Variants in MYT1L observed in about 807,000 individuals in gnomAD.
MYT1L encodes the protein myelin transcription factor 1 like.
Under a neutral mutation model 126.7 loss-of-function variants are expected in MYT1L, and 12 were observed. The observed-to-expected ratio is 0.09, with a 90% CI of 0.06 to 0.15. The LOEUF (loss-of-function observed/expected upper bound fraction) is 0.15, where lower values mean the gene tolerates loss of function less well. Ranked by LOEUF, MYT1L falls within the 10% of genes least tolerant of loss-of-function variation. The pLI is 1.00. For synonymous variants in MYT1L, 541 were observed against 604.2 expected (o/e 0.90, Z 1.53); for missense variants, 979 against 1,585.2 (o/e 0.62, Z 6.49).
chr2:2,051,899 T>C (rs2068871330), intron 4 of MYT1L, among the ~76,000 whole-genome samples: 1 of 152,074 alleles, frequency 6.6e-6, no homozygotes, highest in Admixed American at 6.5e-5. Flanking sequence ...ACAAATTCAG[T>C]GCAATCCCTC....
chr2:2,185,466 G>T lies in MYT1L; in HGVS notation c.-420-12478C>A, dbSNP rs372124142. On this transcript the variant is annotated intron_variant, in intron 2 of 24. Coordinates refer to ENST00000647738, the MANE Select transcript of MYT1L (RefSeq NM_001303052.2). ...GCAGCCGGGCCTCCTCGAGTCCCGC[G>T]TTCCTTCTGTGAGGGGGACGCAGCC... Among the ~76,000 whole-genome samples, 8 of 128,294 alleles carry T rather than the reference G, an allele frequency of 6.2e-5. No homozygotes were observed. In the East Asian group the frequency reaches 1.3e-3, roughly 22 times the overall value. 84.2% of individuals were successfully genotyped at this position (128,294 alleles called of 152,430 possible). A position where few individuals can be genotyped will look rare whatever the true frequency, so the allele number is the denominator to read the frequency against.
intron 1 of MYT1L, chr2:2,326,393 T>C (rs1035283686): frequency 6.6e-6 from 1 of 152,210 alleles, no homozygotes; most frequent in Non-Finnish European, 1.5e-5. Context: ...TCTTCCCTGA[T>C]GTGTTGGGAC....
intron 3 of MYT1L, among the ~76,000 whole-genome samples, chr2:2,107,512 G>A (rs2078893634): frequency 6.6e-6 from 1 of 152,216 alleles, no homozygotes; most frequent in Admixed American, 6.5e-5. Context: ...TAAGTGCCCA[G>A]AATAATCAAG....
intron 9 of MYT1L, among the ~76,000 whole-genome samples, chr2:1,930,118 C>T (rs927574240): frequency 6.6e-6 from 1 of 152,190 alleles, no homozygotes; most frequent in South Asian, 2.1e-4. Flanking sequence ...CCTCAGACCC[C>T]TAATTTGAGT....
At chr2:1,850,032 G>GC (rs2043009963) in intron 19 of MYT1L, among the ~76,000 whole-genome samples, 1 of 112,846 alleles carries the variant, frequency 8.9e-6, no homozygotes. Flanking sequence ...GCGGGGTGGT[G>GC]AGGGGGGGGC....
At chr2:1,991,861 C>T (rs559055102) in intron 5 of MYT1L, among the ~76,000 whole-genome samples, 4 of 152,264 alleles carry the variant, frequency 2.6e-5, no homozygotes, top group Admixed American at 2.6e-4. Context: ...GATCACGTTC[C>T]CCCAAATTTC....
intron 1 of MYT1L, among the ~76,000 whole-genome samples, chr2:2,295,440 C>T (rs1395692290): frequency 5.3e-5 from 8 of 152,044 alleles, no homozygotes; most frequent in African/African-American, 1.7e-4. Flanking sequence ...AGAGGTTCAC[C>T]CTGAGCATCA....
At chr2:2,057,926 T>G (rs896297270) in intron 3 of MYT1L, among the ~76,000 whole-genome samples, 4 of 152,192 alleles carry the variant, frequency 2.6e-5, no homozygotes, top group African/African-American at 9.7e-5. Flanking sequence ...TTACTGTGAA[T>G]GTACATTTCC....
intron 5 of MYT1L, among the ~76,000 whole-genome samples, chr2:1,996,899 C>T (rs1051995262): frequency 7.2e-6 from 1 of 138,366 alleles, no homozygotes; most frequent in Admixed American, 7.5e-5. Flanking sequence ...TGCATGGAAC[C>T]GAGTGTAGAC....
At chr2:2,128,350 C>T (rs1322609299) in intron 3 of MYT1L, among the ~76,000 whole-genome samples, 2 of 152,146 alleles carry the variant, frequency 1.3e-5, no homozygotes, top group Non-Finnish European at 2.9e-5. Flanking sequence ...TGGCATTTCA[C>T]CATGTTAGCC....
chr2:2,151,253 G>A (rs534829249), intron 3 of MYT1L, among the ~76,000 whole-genome samples: 11 of 152,248 alleles, frequency 7.2e-5, no homozygotes, highest in African/African-American at 2.6e-4. Context: ...ATAGAATACT[G>A]TGAGAAGAGA....
At chr2:2,310,310 T>C (rs984399572) in intron 1 of MYT1L, among the ~76,000 whole-genome samples, 8 of 152,118 alleles carry the variant, frequency 5.3e-5, no homozygotes, top group African/African-American at 1.9e-4. Flanking sequence ...GTTCTTTATC[T>C]ATACTCCACT....
chr2:2,001,900 T>A (rs1476048724), intron 4 of MYT1L, among the ~76,000 whole-genome samples: 1 of 152,190 alleles, frequency 6.6e-6, no homozygotes, highest in African/African-American at 2.4e-5. Context: ...ATCCTCTTGC[T>A]CAGAGGTGGG....
chr2:2,007,098 G>A (rs1442729604), intron 4 of MYT1L, among the ~76,000 whole-genome samples: 1 of 151,490 alleles, frequency 6.6e-6, no homozygotes, highest in Admixed American at 6.6e-5. Flanking sequence ...TGTCCATTAG[G>A]TTGCTTCTGT....
chr2:1,887,689 G>A lies in MYT1L; in HGVS notation c.2521-80C>T, dbSNP rs1201272219. 8 of 1,574,956 alleles carry A rather than the reference G, an allele frequency of 5.1e-6. No homozygotes were observed. Among genetic ancestry groups the A allele is most frequent in the Non-Finnish European group, 5.2e-6 (6 of 1,148,416 alleles). Reference sequence around the variant, plus strand: ...TGAGGGAGGTGGTTCGTGGCTCTGGGGTGGCCTCTACATCTTACACCTCTT... The same window carrying A: ...TGAGGGAGGTGGTTCGTGGCTCTGGAGTGGCCTCTACATCTTACACCTCTT... On this transcript the variant is annotated intron_variant, in intron 16 of 24. Coordinates refer to ENST00000647738, the MANE Select transcript of MYT1L (RefSeq NM_001303052.2). The surrounding 1 kb of genome is among the most constrained non-coding windows in gnomAD (Gnocchi z 4.8).
chr2:1,948,583 C>A (rs554274294), intron 8 of MYT1L, among the ~76,000 whole-genome samples: 1 of 152,328 alleles, frequency 6.6e-6, no homozygotes, highest in Admixed American at 6.5e-5. Flanking sequence ...TGTGTATCCT[C>A]CTGCCCTCGT....
chr2:2,286,448 A>G (rs2095522153), intron 1 of MYT1L, among the ~76,000 whole-genome samples: 1 of 152,238 alleles, frequency 6.6e-6, no homozygotes, highest in African/African-American at 2.4e-5. Flanking sequence ...AATGAAATAT[A>G]TGTACACTTT....
chr2:2,260,706 TA>T (rs560154925), intron 2 of MYT1L, among the ~76,000 whole-genome samples: 1 of 152,180 alleles, frequency 6.6e-6, no homozygotes, highest in Admixed American at 6.5e-5. Flanking sequence ...TAAAATTTCC[TA>T]AAAGAATTTT....
intron 1 of MYT1L, among the ~76,000 whole-genome samples, chr2:2,297,358 G>GTCCCCC (rs2095710718): frequency 6.6e-6 from 1 of 152,228 alleles, no homozygotes; most frequent in African/African-American, 2.4e-5. Flanking sequence ...GGGACCGTGT[G>GTCCCCC]TGGGGTGGAT....
Sources: allele counts gnomAD v4.1 joint callset (sites outside exome capture counted in the v4.1 genomes callset), GRCh38; gene constraint gnomAD v4.1.1; non-coding constraint Gnocchi (gnomAD v3.1); transcripts MANE v1.5; gene names NCBI Gene and HGNC (gene_info 2026-07-23, HGNC 2026-07-21).